OR3A2: variants seen among roughly 807,000 people sequenced by gnomAD.
OR3A2 encodes the protein olfactory receptor family 3 subfamily A member 2.
For synonymous variants in OR3A2, 126 were observed against 159.3 expected, an observed-to-expected ratio of 0.79 and a Z score of 1.57; for missense variants, 318 against 392.8, an observed-to-expected ratio of 0.81 and a Z score of 1.61.
At chr17:3,383,988 T>TG (rs2049759412) in intron 1 of OR3A2, 1 of 40,318 alleles carries the variant, frequency 2.5e-5, no homozygotes, top group Non-Finnish European at 3.8e-5. Context: ...GAATAAATAT[T>TG]GTATACAATA....
At chr17:3,328,936 G>C (rs2049203061) in intron 3 of OR3A2, among the ~76,000 whole-genome samples, 1 of 151,550 alleles carries the variant, frequency 6.6e-6, no homozygotes. Flanking sequence ...GTTGAATTTT[G>C]TCAAAGGCCT....
At chr17:3,348,159 G>C (rs1217267877) in intron 2 of OR3A2, among the ~76,000 whole-genome samples, 1 of 152,086 alleles carries the variant, frequency 6.6e-6, no homozygotes, top group African/African-American at 2.4e-5. Flanking sequence ...GTTGTCAGAT[G>C]AGTAGGTTGT....
At chr17:3,368,935 T>G (rs2049586978) in intron 2 of OR3A2, among the ~76,000 whole-genome samples, 1 of 152,250 alleles carries the variant, frequency 6.6e-6, no homozygotes, top group African/African-American at 2.4e-5. Context: ...TAGTTTTCCT[T>G]GTAGAGATCT....
intron 3 of OR3A2, among the ~76,000 whole-genome samples, chr17:3,330,295 T>C (rs1444377500): frequency 1.3e-5 from 2 of 150,804 alleles, no homozygotes; most frequent in Non-Finnish European, 2.9e-5. Flanking sequence ...TTGATCTGTC[T>C]AATGTTGACA....
upstream of OR3A2, among the ~76,000 whole-genome samples, chr17:3,287,109 C>G (rs954332942): frequency 6.6e-6 from 1 of 152,098 alleles, no homozygotes. Flanking sequence ...CCAGAGATAT[C>G]CAACCTAAAC....
At chr17:3,343,454 A>G (rs73979541) in intron 2 of OR3A2, among the ~76,000 whole-genome samples, 2,060 of 152,344 alleles carry the variant, frequency 0.014, 49 homozygotes, top group African/African-American at 0.046. Context: ...TGGCCAACAT[A>G]AACTCAGTAT....
At chr17:3,325,179 A>T (rs2049160774) in intron 3 of OR3A2, among the ~76,000 whole-genome samples, 1 of 147,792 alleles carries the variant, frequency 6.8e-6, no homozygotes, top group Non-Finnish European at 1.5e-5. Flanking sequence ...TTAACTCTAC[A>T]GCTTGTGTTC....
At chr17:3,379,107 T>G (rs2049711173) in intron 2 of OR3A2, among the ~76,000 whole-genome samples, 1 of 151,912 alleles carries the variant, frequency 6.6e-6, no homozygotes, top group South Asian at 2.1e-4. Context: ...ATATGCTGAG[T>G]AAATATTATC....
intron 3 of OR3A2, among the ~76,000 whole-genome samples, chr17:3,323,396 C>T (rs2049142418): frequency 6.6e-6 from 1 of 152,014 alleles, no homozygotes; most frequent in Non-Finnish European, 1.5e-5. Context: ...TTGATCTTGT[C>T]ATTATGATGT....
chr17:3,347,644 T>C (rs1279296226), intron 2 of OR3A2, among the ~76,000 whole-genome samples: 3 of 152,248 alleles, frequency 2.0e-5, no homozygotes, highest in Non-Finnish European at 4.4e-5. Context: ...CAGTCTATCA[T>C]TGTTGGACAT....
chr17:3,294,268 A>G (rs1421641296), intron 3 of OR3A2, among the ~76,000 whole-genome samples: 2 of 152,066 alleles, frequency 1.3e-5, no homozygotes, highest in Non-Finnish European at 1.5e-5. Context: ...TGCAAGAAAG[A>G]TAAGAAATAT....
chr17:3,307,837 T>C (rs144908142), intron 3 of OR3A2, among the ~76,000 whole-genome samples: 5 of 152,084 alleles, frequency 3.3e-5, no homozygotes, highest in African/African-American at 1.2e-4. Flanking sequence ...TCTGGCCTCC[T>C]CCCAGCCCCA....
At chr17:3,283,871 T>C (rs572700552) in intron 1 of OR3A2, among the ~76,000 whole-genome samples, 1 of 145,700 alleles carries the variant, frequency 6.9e-6, no homozygotes, top group South Asian at 2.3e-4. Flanking sequence ...AGAGATACAA[T>C]TGCTTAAAAC....
chr17:3,291,823 A>G (rs757408900), intron 3 of OR3A2: 3 of 1,613,832 alleles, frequency 1.9e-6, no homozygotes, highest in South Asian at 2.2e-5. Flanking sequence ...GAACCATAGA[A>G]TATGGCAACC....
intron 2 of OR3A2, among the ~76,000 whole-genome samples, chr17:3,378,482 G>C (rs956500378): frequency 2.6e-5 from 4 of 152,194 alleles, no homozygotes; most frequent in African/African-American, 9.7e-5. Flanking sequence ...GGACCCCTAA[G>C]AGTGCAGGGA....
chr17:3,342,290 G>A (rs1252000255), intron 2 of OR3A2, among the ~76,000 whole-genome samples: 1 of 152,154 alleles, frequency 6.6e-6, no homozygotes, highest in Non-Finnish European at 1.5e-5. Context: ...GTCATTCTCT[G>A]TCCAGCTTTG....
chr17:3,379,098 T>C (rs1284053498), intron 2 of OR3A2, among the ~76,000 whole-genome samples: 2 of 152,182 alleles, frequency 1.3e-5, no homozygotes, highest in East Asian at 3.9e-4. Flanking sequence ...TGGGACCCCA[T>C]ATGCTGAGTA....
At chr17:3,317,652 A>C (rs2049089460) in intron 3 of OR3A2, among the ~76,000 whole-genome samples, 1 of 152,140 alleles carries the variant, frequency 6.6e-6, no homozygotes, top group Non-Finnish European at 1.5e-5. Context: ...CATGAACTTC[A>C]TATGATTATT....
At chr17:3,319,940 G>A (rs1424637902) in intron 3 of OR3A2, among the ~76,000 whole-genome samples, 2 of 152,218 alleles carry the variant, frequency 1.3e-5, no homozygotes, top group Non-Finnish European at 2.9e-5. Context: ...CTAGATCCTT[G>A]AGGAATCGCC....
Sources: allele counts gnomAD v4.1 joint callset (sites outside exome capture counted in the v4.1 genomes callset), GRCh38; gene constraint gnomAD v4.1.1; transcripts MANE v1.5; gene names NCBI Gene and HGNC (gene_info 2026-07-23, HGNC 2026-07-21).